The following RALYL variants were observed in gnomAD, a reference collection of about 807,000 sequenced individuals.
RALYL encodes RNA-binding Raly-like protein.
A neutral mutation model predicts 35.1 loss-of-function variants in RALYL; 29 were observed. The ratio of observed to expected loss-of-function variants is 0.83; its 90% CI spans 0.61 to 1.13. The LOEUF (loss-of-function observed/expected upper bound fraction) is 1.13. RALYL is among the 50% of genes most tolerant of loss of function. The pLI, the probability that RALYL is intolerant of heterozygous loss-of-function variation, is 0.00. For synonymous variants in RALYL, 120 were observed against 127.6 expected (o/e 0.94, Z 0.40); for missense variants, 359 against 360.4 (o/e 1.00, Z 0.03).
intron 2 of RALYL, among the ~76,000 whole-genome samples, chr8:84,656,457 T>C (rs1249578980): frequency 6.6e-6 from 1 of 152,194 alleles, no homozygotes; most frequent in Non-Finnish European, 1.5e-5. Context: ...GATTACTGAC[T>C]ATGAGTTAGG....
intron 1 of RALYL, among the ~76,000 whole-genome samples, chr8:84,249,190 G>T (rs1829713209): frequency 1.3e-5 from 2 of 151,902 alleles, no homozygotes; most frequent in Admixed American, 1.3e-4. Context: ...CACAAAATTG[G>T]GTAAGGAATT....
chr8:84,380,800 G>T (rs1857837095), intron 1 of RALYL, among the ~76,000 whole-genome samples: 1 of 151,834 alleles, frequency 6.6e-6, no homozygotes, highest in Non-Finnish European at 1.5e-5. Flanking sequence ...CATCACAGGT[G>T]TCCTTAACAG....
intron 2 of RALYL, among the ~76,000 whole-genome samples, chr8:84,702,950 A>G (rs1840468254): frequency 1.3e-5 from 2 of 152,206 alleles, no homozygotes; most frequent in Non-Finnish European, 2.9e-5. Context: ...TTTTGCAAAC[A>G]AAACAACTCT....
At chr8:84,291,548 T>C (rs147491722) in intron 1 of RALYL, among the ~76,000 whole-genome samples, 1 of 152,286 alleles carries the variant, frequency 6.6e-6, no homozygotes, top group African/African-American at 2.4e-5. Context: ...TTTTAAAACA[T>C]TGCTTAAAAA....
intron 4 of RALYL, among the ~76,000 whole-genome samples, chr8:84,842,333 T>C (rs1833604549): frequency 6.6e-6 from 1 of 152,158 alleles, no homozygotes; most frequent in Non-Finnish European, 1.5e-5. Context: ...GGGAATACTA[T>C]AAACACCTCT....
chr8:84,552,716 CT>C (rs112505646), intron 2 of RALYL, among the ~76,000 whole-genome samples: 1,828 of 147,006 alleles, frequency 0.012, 38 homozygotes, highest in African/African-American at 0.042. Flanking sequence ...AATTAGACCC[CT>C]TTTTTTTTTC....
chr8:84,755,521 A>G (rs1366944090), intron 2 of RALYL, among the ~76,000 whole-genome samples: 1 of 152,186 alleles, frequency 6.6e-6, no homozygotes, highest in East Asian at 1.9e-4. Flanking sequence ...GTCCTGTGAC[A>G]TCACATAAAA....
intron 1 of RALYL, among the ~76,000 whole-genome samples, chr8:84,415,205 G>GTTTTTTTT (rs33962115): frequency 3.3e-4 from 18 of 54,616 alleles, no homozygotes; most frequent in African/African-American, 7.3e-4. Flanking sequence ...GCAGACACTC[G>GTTTTTTTT]TTTTTTTTTT....
chr8:84,634,997 C>T (rs1413461538), intron 2 of RALYL, among the ~76,000 whole-genome samples: 2 of 151,666 alleles, frequency 1.3e-5, no homozygotes, highest in African/African-American at 4.8e-5. Flanking sequence ...TTAGGGAGAA[C>T]CTGCTGTTTG....
intron 1 of RALYL, among the ~76,000 whole-genome samples, chr8:84,460,610 A>G (rs180898366): frequency 6.1e-4 from 93 of 151,900 alleles, no homozygotes; most frequent in Non-Finnish European, 3.1e-4. Context: ...GGAAAAGCCT[A>G]TATATGTATT....
intron 2 of RALYL, among the ~76,000 whole-genome samples, chr8:84,682,377 T>C (rs892297688): frequency 5.7e-4 from 87 of 152,252 alleles, no homozygotes; most frequent in South Asian, 8.3e-4. Context: ...GGAGGATTCC[T>C]TCTTTTTCTA....
In RALYL at chr8:84,723,960, T is replaced by C. The variant is rs1403420812; in HGVS notation, c.257-50619T>C. On this transcript the variant is annotated intron_variant, in intron 2 of 8. Transcript: ENST00000521268. The stretch of plus-strand genomic sequence containing the variant: ...CTATAATCATTAAGAGTAGTTCTGT[T>C]ACCTTTGCATCACCTTATCTGGCTC... 7.2e-5 allele frequency among the ~76,000 whole-genome samples: 11 copies of C among 151,926 alleles called. No individual in the cohort carries two copies. The South Asian group carries it at 1.7e-3, about 23-fold the overall frequency.
intron 2 of RALYL, among the ~76,000 whole-genome samples, chr8:84,685,698 C>G (rs1206922804): frequency 6.6e-6 from 1 of 152,046 alleles, no homozygotes; most frequent in African/African-American, 2.4e-5. Flanking sequence ...ATCAAATGGG[C>G]TTGGAGTTCA....
At chr8:84,717,725 T>G (rs1843176713) in intron 2 of RALYL, among the ~76,000 whole-genome samples, 1 of 152,228 alleles carries the variant, frequency 6.6e-6, no homozygotes, top group South Asian at 2.1e-4. Context: ...TAAGATGCAC[T>G]ACAATGGTAA....
rs758254820 is a variant in RALYL, at chr8:84,873,294, T to A, written c.582T>A (p.Asp194Glu). The change falls in exon 7 of 9, where the codon GAT becomes GAA. Residue 194 changes from aspartate (D) to glutamate (E), a missense_variant. By Grantham distance (45) the Asp-to-Glu change is conservative (BLOSUM62 2). Transcript: ENST00000521268. The part of the protein sequence containing the change: ...SGSTGSKLKS[D>E]ELQTIKKELT... ...CTTTCTACTTTCCAGTGAAATCAGA[T>A]GAGTTACAGACCATCAAGAAAGAAT... 6.4e-7 allele frequency: 1 copy of A among 1,572,878 alleles called. No individual in the cohort carries two copies. Among genetic ancestry groups the A allele is most frequent in the Non-Finnish European group, 8.7e-7 (1 of 1,152,652 alleles).
At chr8:84,641,889 C>G (rs920761054) in intron 2 of RALYL, among the ~76,000 whole-genome samples, 4 of 151,220 alleles carry the variant, frequency 2.6e-5, no homozygotes, top group South Asian at 2.1e-4. Flanking sequence ...AAACATTTAG[C>G]AAAGGCAAAT....
chr8:84,278,596 T>G (rs62526792), intron 1 of RALYL, among the ~76,000 whole-genome samples: 9,016 of 152,304 alleles, frequency 0.059, 388 homozygotes, highest in Non-Finnish European at 0.09. Context: ...GGCTTTGCCA[T>G]GTAGAAATTT....
At chr8:84,802,921 C>A (rs958286508) in intron 3 of RALYL, among the ~76,000 whole-genome samples, 6 of 151,706 alleles carry the variant, frequency 4.0e-5, no homozygotes, top group Non-Finnish European at 7.4e-5. Flanking sequence ...ATGAGAGTCC[C>A]AAAGGAAAAA....
chr8:84,590,691 C>T (rs965327784), intron 2 of RALYL, among the ~76,000 whole-genome samples: 1 of 152,160 alleles, frequency 6.6e-6, no homozygotes, highest in African/African-American at 2.4e-5. Context: ...ATGGAATTGA[C>T]TGCTTTGTAA....
Sources: allele counts gnomAD v4.1 joint callset (sites outside exome capture counted in the v4.1 genomes callset), GRCh38; gene constraint gnomAD v4.1.1; transcripts MANE v1.5; gene names NCBI Gene and HGNC (gene_info 2026-07-23, HGNC 2026-07-21).